Variants in AOPEP observed in about 807,000 individuals in gnomAD.
The protein encoded by AOPEP is aminopeptidase O (putative), also known as aminopeptidase O.
A neutral mutation model predicts 98.1 loss-of-function variants in AOPEP; 77 were observed. That is an observed-to-expected ratio of 0.78 (90% confidence interval 0.65 to 0.95). AOPEP has a LOEUF of 0.95. Ranked by LOEUF, AOPEP falls within the 40% of genes least tolerant of loss-of-function variation. AOPEP has a pLI of 0.00. For synonymous variants in AOPEP, 346 were observed against 365.3 expected (o/e 0.95, Z 0.60); for missense variants, 1,024 against 1,024.7 (o/e 1.00, Z 0.01).
chr9:94,870,417 A>C (rs1403540715), intron 5 of AOPEP, among the ~76,000 whole-genome samples: 2 of 152,244 alleles, frequency 1.3e-5, no homozygotes, highest in Non-Finnish European at 2.9e-5. Flanking sequence ...GCAGATGCTG[A>C]GTGGCTTACA....
intron 5 of AOPEP, among the ~76,000 whole-genome samples, chr9:94,890,056 A>G (rs1170927491): frequency 1.4e-5 from 2 of 141,206 alleles, no homozygotes; most frequent in Non-Finnish European, 3.1e-5. Context: ...ACAGAGTCTC[A>G]CTCTGTCGAC....
intron 5 of AOPEP, among the ~76,000 whole-genome samples, chr9:94,866,098 C>T (rs571317330): frequency 6.6e-6 from 1 of 152,294 alleles, no homozygotes; most frequent in South Asian, 2.1e-4. Context: ...GTAACCAGAC[C>T]GTAGCAAGGA....
intron 11 of AOPEP, chr9:95,004,007 TTGC>T (rs1298148911): frequency 1.3e-5 from 4 of 306,998 alleles, no homozygotes; most frequent in East Asian, 9.0e-5. Context: ...CATGGCAAAG[TTGC>T]TGCTATTTAA....
intron 1 of AOPEP, among the ~76,000 whole-genome samples, chr9:94,741,964 A>G (rs1049082068): frequency 6.6e-6 from 1 of 152,222 alleles, no homozygotes; most frequent in Admixed American, 6.5e-5. Context: ...TCAGCACTAG[A>G]GTGCAGTCAC....
At chr9:95,003,003 A>T (rs1329610936) in intron 11 of AOPEP, among the ~76,000 whole-genome samples, 1 of 152,234 alleles carries the variant, frequency 6.6e-6, no homozygotes, top group African/African-American at 2.4e-5. Flanking sequence ...TGTTCAGCTC[A>T]TGCCGGAAAC....
At chr9:95,136,761 G>C in the AOPEP span, among the ~76,000 whole-genome samples, 6 of 152,138 alleles carry the variant, frequency 3.9e-5, no homozygotes, top group African/African-American at 1.4e-4. Context: ...TGGGAATACA[G>C]GCCTGAGCCC....
chr9:95,096,605 G>C, the AOPEP span, among the ~76,000 whole-genome samples: 1 of 152,198 alleles, frequency 6.6e-6, no homozygotes, highest in African/African-American at 2.4e-5. Flanking sequence ...GGCAGGACAG[G>C]GTCCAGCCTC....
intron 5 of AOPEP, among the ~76,000 whole-genome samples, chr9:94,873,998 A>G (rs1276887236): frequency 4.6e-5 from 7 of 152,338 alleles, no homozygotes; most frequent in Admixed American, 4.6e-4. Flanking sequence ...TATACACACA[A>G]AAAAGGAAGA....
At chr9:94,814,198 T>G (rs558173875) in intron 5 of AOPEP, among the ~76,000 whole-genome samples, 154 of 152,374 alleles carry the variant, frequency 1.0e-3, no homozygotes, top group Non-Finnish European at 1.7e-3. Flanking sequence ...TGGTTCCTGC[T>G]CTGGCCCTGT....
intron 7 of AOPEP, among the ~76,000 whole-genome samples, chr9:94,940,789 T>C (rs1439703766): frequency 6.6e-6 from 1 of 152,092 alleles, no homozygotes; most frequent in Non-Finnish European, 1.5e-5. Context: ...TCTGATTTCC[T>C]CAGCCTGGCT....
intron 2 of AOPEP, among the ~76,000 whole-genome samples, chr9:94,767,707 C>T (rs1016137773): frequency 2.6e-5 from 4 of 152,190 alleles, no homozygotes; most frequent in African/African-American, 4.8e-5. Context: ...CTGTTTTGCA[C>T]CCAAAACATC....
chr9:94,928,451 G>A lies in AOPEP; in HGVS notation c.1581G>A (p.Gln527=), dbSNP rs142764274. ...QQLAPYEARE[Q]QELRACLRWR... ...TGGCCCCCTATGAGGCCCGGGAGCA[G>A]CAGGAGCTGAGGGCTTGTCTGCGCT... Residue 527 remains glutamine (Q), a synonymous_variant, in exon 7 of 17, where the codon CAG becomes CAA. Coordinates refer to ENST00000375315, the MANE Select transcript of AOPEP (RefSeq NM_001193329.3). The A allele has an allele frequency of 1.3e-3, 1,988 of 1,549,466 alleles. 24 individuals are homozygous for A. The South Asian group carries it at 0.019, about 15-fold the overall frequency.
At chr9:95,111,622 G>A in the AOPEP span, 1 of 1,614,166 alleles carries the variant, frequency 6.2e-7, no homozygotes, top group Non-Finnish European at 8.5e-7. Context: ...AGCTCTCAAA[G>A]GGACCTCCGC....
chr9:95,093,085 A>G, the AOPEP span, among the ~76,000 whole-genome samples: 1 of 152,246 alleles, frequency 6.6e-6, no homozygotes, highest in African/African-American at 2.4e-5. Flanking sequence ...GGTTGTAAAG[A>G]AAACACAGAT....
chr9:94,745,406 G>T (rs920226878), intron 1 of AOPEP, among the ~76,000 whole-genome samples: 14 of 151,950 alleles, frequency 9.2e-5, no homozygotes, highest in Middle Eastern at 3.2e-3. Flanking sequence ...CTCTGGAGCA[G>T]CTGGGACTAC....
intron 13 of AOPEP, among the ~76,000 whole-genome samples, chr9:95,027,601 C>A (rs1051998241): frequency 6.6e-6 from 1 of 152,048 alleles, no homozygotes; most frequent in African/African-American, 2.4e-5. Context: ...GTCTGTAGAG[C>A]CATGTTTTGG....
the AOPEP span, among the ~76,000 whole-genome samples, chr9:95,108,329 G>A: frequency 2.0e-5 from 3 of 152,198 alleles, no homozygotes; most frequent in Admixed American, 1.3e-4. Flanking sequence ...CCCCTCAGCC[G>A]GCCCAGCCTG....
chr9:94,769,312 A>G (rs1237954823), intron 2 of AOPEP, among the ~76,000 whole-genome samples: 1 of 152,154 alleles, frequency 6.6e-6, no homozygotes, highest in Admixed American at 6.5e-5. Flanking sequence ...TGCATAGGAT[A>G]TCAGCTTGTG....
chr9:95,084,990 C>T (rs777993813), intron 16 of AOPEP, among the ~76,000 whole-genome samples: 1 of 152,230 alleles, frequency 6.6e-6, no homozygotes. Context: ...CATGGCCGGT[C>T]CCTGCATTTT....
Sources: allele counts gnomAD v4.1 joint callset (sites outside exome capture counted in the v4.1 genomes callset), GRCh38; gene constraint gnomAD v4.1.1; transcripts MANE v1.5; gene names NCBI Gene and HGNC (gene_info 2026-07-23, HGNC 2026-07-21).